DNAH1: variants seen among roughly 807,000 people sequenced by gnomAD.
DNAH1 encodes dynein axonemal heavy chain 1.
A neutral mutation model predicts 484.3 loss-of-function variants in DNAH1; 327 were observed. That is an observed-to-expected ratio of 0.68 (90% CI 0.62 to 0.74). The LOEUF (loss-of-function observed/expected upper bound fraction) is 0.74. Ranked by LOEUF, DNAH1 falls within the 30% of genes least tolerant of loss-of-function variation. DNAH1 has a pLI of 0.00. For synonymous variants in DNAH1, 2,192 were observed against 2,191.9 expected, an observed-to-expected ratio of 1.00 and a Z score of 0.00; for missense variants, 5,052 against 5,546.8, an observed-to-expected ratio of 0.91 and a Z score of 2.83.
intron 3 of DNAH1, among the ~76,000 whole-genome samples, chr3:52,324,225 G>A (rs1285412006): frequency 6.6e-6 from 1 of 152,230 alleles, no homozygotes. Context: ...GGCCAGGACT[G>A]TCTGAGTTGC....
chr3:52,320,955 C>T (rs1701126092), intron 1 of DNAH1, among the ~76,000 whole-genome samples: 2 of 151,588 alleles, frequency 1.3e-5, no homozygotes, highest in Admixed American at 1.3e-4. Flanking sequence ...TGTGCACCAC[C>T]ACACCCAGCT....
At chr3:52,394,430 G>T in intron 66 of DNAH1, 35 bp from the exon 67 acceptor site, 2 of 1,609,270 alleles carry the variant, frequency 1.2e-6, no homozygotes, top group African/African-American at 1.3e-5. Flanking sequence ...AGCTGGCCAG[G>T]GCCTGGGCAT....
At chr3:52,326,411 G>T in intron 4 of DNAH1, 97 bp downstream of exon 4, 2 of 1,387,186 alleles carry the variant, frequency 1.4e-6, no homozygotes, top group Non-Finnish European at 1.9e-6. Flanking sequence ...TAATCCTCAT[G>T]GCAGAGCCTG....
At chr3:52,322,845 C>T (rs1701199168) in intron 2 of DNAH1, 70 bp downstream of exon 2, 3 of 1,325,850 alleles carry the variant, frequency 2.3e-6, no homozygotes, top group Non-Finnish European at 2.1e-6. Flanking sequence ...ATCCTTTCAT[C>T]CTTCTCCCCA....
In DNAH1 at chr3:52,370,664, G is replaced by A. The variant is rs1397153904; in HGVS notation, c.6417+29G>A. On this transcript the variant is annotated intron_variant, in intron 40 of 77. Transcript: ENST00000420323. Reference sequence around the variant, plus strand: ...AGAGCCGGCGGCCCCCAGGGACCAGGAGCCTCAGTCCTACTGGGCCTCACA... The same window carrying A: ...AGAGCCGGCGGCCCCCAGGGACCAGAAGCCTCAGTCCTACTGGGCCTCACA... The A allele has an allele frequency of 6.9e-6, 11 of 1,602,568 alleles. No individual in the cohort carries two copies. The Admixed American group carries it at 1.4e-4, about 20-fold the overall frequency.
Position 52,383,447 on chromosome 3 carries a change from A to G in DNAH1, c.8003A>G (p.Asn2668Ser), listed in dbSNP as rs772305396. The G allele has an allele frequency of 9.3e-6, 15 of 1,613,868 alleles. No homozygotes were observed. The Admixed American group carries it at 1.3e-4, about 14-fold the overall frequency. The change falls in exon 51 of 78, where the codon AAT becomes AGT. Residue 2668 changes from asparagine to serine, a missense_variant. By Grantham distance (46) the Asn-to-Ser change is conservative. Transcript: ENST00000420323. ...NNVLNSGDIP[N>S]LYTADEQDQI... ...GTCCTAAACTCTGGTGACATTCCCAATCTGTATACTGCGGACGAGCAGGAC... is the reference window on the plus strand; with the variant it reads ...GTCCTAAACTCTGGTGACATTCCCAGTCTGTATACTGCGGACGAGCAGGAC...
chr3:52,332,294 G>C lies in DNAH1; in HGVS notation c.1186G>C (p.Asp396His), dbSNP rs1324098931. ...EALLLYNLYV[D>H]CMPSDGQHVI... ...ACTGCTGCTCTACAACTTGTATGTG[G>C]ACTGCATGCCCTCTGACGGCCAGCA... The change falls in exon 8 of 78, where the codon GAC becomes CAC. Residue 396 changes from aspartate (D) to histidine (H), a missense_variant. By Grantham distance (81) the Asp-to-His change is moderately conservative (BLOSUM62 -1). Coordinates refer to ENST00000420323, the MANE Select transcript of DNAH1 (RefSeq NM_015512.5). 2 of 1,614,060 alleles carry C rather than the reference G, an allele frequency of 1.2e-6. No individual in the cohort carries two copies. The highest frequency in any genetic ancestry group is 1.1e-5 in the South Asian group (1 of 91,088).
In DNAH1 at chr3:52,349,425, G is replaced by A; in HGVS notation, c.2526+5G>A. The A allele has an allele frequency of 6.2e-7, 1 of 1,612,518 alleles. No individual in the cohort carries two copies. Among genetic ancestry groups the A allele is most frequent in the Non-Finnish European group, 8.5e-7 (1 of 1,179,040 alleles). On this transcript the variant is annotated splice_donor_5th_base_variant and intron_variant, in intron 14 of 77. Transcript: ENST00000420323. ...CTGCATAAGGAGGTGGATAGCGTAA[G>A]TGCCCACCTGCCCCGCCTCAGTGAC... is the stretch of plus-strand genomic sequence containing the variant.
Position 52,394,521 on chromosome 3 carries a change from G to C in DNAH1, c.10683G>C (p.Pro3561=). ...CCATCTCGATCATGACTGAGAATCC[G>C]GCACCGGACTGGCTGTCAGACCGGG... ...GGSISIMTEN[P]APDWLSDRAW... is the part of the protein sequence containing the mutation. Residue 3561 remains proline (P), a synonymous_variant, in exon 67 of 78, where the codon CCG becomes CCC. Transcript: ENST00000420323. 6.2e-7 allele frequency: 1 copy of C among 1,614,010 alleles called. No individual in the cohort carries two copies. Among genetic ancestry groups the C allele is most frequent in the South Asian group, 1.1e-5 (1 of 91,088 alleles).
Position 52,326,329 on chromosome 3 carries a change from G to T in DNAH1, c.581+15G>T, listed in dbSNP as rs1336650377. 7.5e-6 allele frequency: 12 copies of T among 1,598,108 alleles called. No homozygotes were observed. Among genetic ancestry groups the T allele is most frequent in the African/African-American group, 1.3e-5 (1 of 74,858 alleles). ...GAGATCGAGAGGTACGGCTGGGTGG[G>T]CTGTGGGGAGACTGTCGGGGAGGTG... On this transcript the variant is annotated intron_variant, in intron 4 of 77. Coordinates refer to ENST00000420323, the MANE Select transcript of DNAH1 (RefSeq NM_015512.5).
At chr3:52,374,576 C>A (rs1338098749) in intron 44 of DNAH1, 4 of 1,504,266 alleles carry the variant, frequency 2.7e-6, no homozygotes, top group Non-Finnish European at 3.7e-6. Context: ...CCAGCCCACA[C>A]TTCCAGGTGG....
At position 52,362,462 on chromosome 3, in the gene DNAH1, G is replaced by C; in HGVS notation, c.5055G>C (p.Pro1685=). The C allele has an allele frequency of 1.2e-6, 2 of 1,613,966 alleles. No individual in the cohort carries two copies. The highest frequency in any genetic ancestry group is 1.7e-6 in the Non-Finnish European group (2 of 1,179,954). The change falls in exon 31 of 78, where the codon CCG becomes CCC. Residue 1685 remains proline, a synonymous_variant. Transcript: ENST00000420323. This position sits in a 1 kb window ranked among gnomAD's most constrained non-coding sequence, Gnocchi z 5.1. ...GCGCAGTGTTTATCACCATGAACCCGGGCTACGCTGGCCGCACGGAGCTGC... is the reference window on the plus strand; with the variant it reads ...GCGCAGTGTTTATCACCATGAACCCCGGCTACGCTGGCCGCACGGAGCTGC... The part of the protein sequence containing the change: ...PSCAVFITMN[P]GYAGRTELPD...
At chr3:52,384,724 A>G in intron 52 of DNAH1, 62 bp from the exon 53 acceptor site, 1 of 1,474,182 alleles carries the variant, frequency 6.8e-7, no homozygotes, top group Non-Finnish European at 9.0e-7. Flanking sequence ...GGCTGTGGGC[A>G]CCCAGTCCCT....
chr3:52,386,433 C>T, intron 55 of DNAH1, 88 bp downstream of exon 55: 1 of 1,440,948 alleles, frequency 6.9e-7, no homozygotes, highest in Non-Finnish European at 9.2e-7. Context: ...ACCCAGCAGC[C>T]TGCCCCACCC....
rs554990062 is a variant in DNAH1, at chr3:52,329,698, A to G, written c.872-1450A>G. ...AAATTAGCTGGGCATGATGGTGTGC[A>G]CCTGTAATCCCAGCTACTCGGGAGG... On this transcript the variant is annotated intron_variant, in intron 6 of 77. Transcript: ENST00000420323. Among the ~76,000 whole-genome samples, 6 of 152,106 alleles carry G rather than the reference A, an allele frequency of 3.9e-5. No individual in the cohort carries two copies. The South Asian group carries it at 1.2e-3, about 32-fold the overall frequency.
intron 36 of DNAH1, 60 bp downstream of exon 36, chr3:52,366,947 G>T: frequency 1.3e-6 from 2 of 1,551,852 alleles, no homozygotes; most frequent in Non-Finnish European, 1.8e-6. Context: ...GAGGCTGTGG[G>T]CTGCGGTCAC....
chr3:52,327,727 G>A (rs931484488), intron 5 of DNAH1, among the ~76,000 whole-genome samples, 155 bp from the exon 6 acceptor site: 1 of 151,520 alleles, frequency 6.6e-6, no homozygotes, highest in Non-Finnish European at 1.5e-5. Flanking sequence ...GAGAGGGTCA[G>A]CCCCCAGTGG....
chr3:52,342,421 T>C (rs1701972970), intron 8 of DNAH1, among the ~76,000 whole-genome samples: 1 of 152,194 alleles, frequency 6.6e-6, no homozygotes, highest in Non-Finnish European at 1.5e-5. Flanking sequence ...ATGAGGAGAC[T>C]AATGCCATAA....
rs370737273 is a variant in DNAH1, at chr3:52,322,415, C to T, written c.-28C>T. 15 of 1,587,212 alleles carry T rather than the reference C, an allele frequency of 9.5e-6. No homozygotes were observed. The highest frequency in any genetic ancestry group is 1.4e-5 in the African/African-American group (1 of 73,176). On this transcript the variant is annotated 5_prime_UTR_variant, in exon 2 of 78. Coordinates refer to ENST00000420323, the MANE Select transcript of DNAH1 (RefSeq NM_015512.5). The stretch of plus-strand genomic sequence containing the variant: ...CGCTGGGTTCTTCTCCTAGGAGCTT[C>T]GGCTGGGGCATCTCCCTGAGAAGCA...
Sources: allele counts gnomAD v4.1 joint callset (sites outside exome capture counted in the v4.1 genomes callset), GRCh38; gene constraint gnomAD v4.1.1; non-coding constraint Gnocchi (gnomAD v3.1); transcripts MANE v1.5; gene names NCBI Gene and HGNC (gene_info 2026-07-23, HGNC 2026-07-21).